The following ESF1 variants were observed in gnomAD, a reference collection of about 807,000 sequenced individuals.
ESF1 encodes the protein ESF1 nucleolar pre-rRNA processing protein.
In ESF1, 58 loss-of-function variants were observed where a neutral mutation model predicts 92.0. The ratio of observed to expected loss-of-function variants is 0.63; its 90% CI spans 0.51 to 0.78. ESF1 has a LOEUF of 0.78. Ranked by LOEUF, ESF1 falls within the 30% of genes least tolerant of loss-of-function variation. The probability of loss-of-function intolerance (pLI) is 0.00; values close to 1 mark genes in which losing one functional copy is unlikely to be tolerated. For synonymous variants in ESF1, 321 were observed against 313.7 expected (o/e 1.02, Z -0.24); for missense variants, 922 against 989.1 (o/e 0.93, Z 0.91).
At chr20:13,728,585 G>A (rs1437488705) in intron 10 of ESF1, 120 bp from the exon 11 acceptor site, 39 of 799,326 alleles carry the variant, frequency 4.9e-5, no homozygotes, top group South Asian at 7.8e-5. Flanking sequence ...GTAAATCAGT[G>A]GCCAAGCGTG....
chr20:13,771,153 T>C (rs1979664079), intron 6 of ESF1, among the ~76,000 whole-genome samples, 178 bp downstream of exon 6: 1 of 152,212 alleles, frequency 6.6e-6, no homozygotes, highest in East Asian at 1.9e-4. Context: ...ACATAATACT[T>C]TAGCACTGTC....
At chr20:13,726,631 C>T (rs1011996357) in intron 11 of ESF1, among the ~76,000 whole-genome samples, 5 of 152,208 alleles carry the variant, frequency 3.3e-5, no homozygotes, top group Non-Finnish European at 7.3e-5. Flanking sequence ...ATCTGTCTAA[C>T]ATGTCTTTCT....
At chr20:13,726,727 G>T (rs541407682) in intron 11 of ESF1, among the ~76,000 whole-genome samples, 44 of 152,286 alleles carry the variant, frequency 2.9e-4, no homozygotes, top group African/African-American at 9.4e-4. Context: ...GCACCTGGTA[G>T]GCAATCAAAA....
chr20:13,725,501 T>C (rs186716939), intron 11 of ESF1, among the ~76,000 whole-genome samples: 88 of 152,308 alleles, frequency 5.8e-4, no homozygotes, highest in Admixed American at 9.8e-4. Flanking sequence ...CCTCAAACTT[T>C]AACCCACACT....
intron 2 of ESF1, 36 bp from the exon 3 acceptor site, chr20:13,776,306 G>C: frequency 6.4e-7 from 1 of 1,551,842 alleles, no homozygotes; most frequent in Non-Finnish European, 8.7e-7. Flanking sequence ...ATTAAGAAAA[G>C]ATATATGCTG....
intron 10 of ESF1, among the ~76,000 whole-genome samples, chr20:13,731,002 T>C (rs1248070662): frequency 6.6e-6 from 1 of 152,172 alleles, no homozygotes; most frequent in African/African-American, 2.4e-5. Context: ...AAGGATCTGT[T>C]GGAGTCAAGG....
Position 13,782,611 on chromosome 20 carries a change from G to C in ESF1, c.530C>G (p.Thr177Arg), listed in dbSNP as rs775667868. 6 of 1,605,848 alleles carry C rather than the reference G, an allele frequency of 3.7e-6. No individual in the cohort carries two copies. In the South Asian group the frequency reaches 6.8e-5, roughly 18 times the overall value. The change falls in exon 2 of 14, where the codon ACA becomes AGA. Residue 177 changes from threonine to arginine, a missense_variant. Coordinates refer to ENST00000617257, the MANE Select transcript of ESF1 (RefSeq NM_001276380.2). The part of the protein sequence containing the change: ...KEKKNIVQHT[T>R]DSSLEEKQRT... ...TTGTTTTTCTTCGAGAGAAGAGTCT[G>C]TAGTATGTTGAACAATGTTTTTTTT...
At chr20:13,753,912 A>G (rs1320815659) in intron 9 of ESF1, among the ~76,000 whole-genome samples, 1 of 152,242 alleles carries the variant, frequency 6.6e-6, no homozygotes, top group Non-Finnish European at 1.5e-5. Context: ...ATAATGGACC[A>G]CTAGGCATAA....
intron 11 of ESF1, among the ~76,000 whole-genome samples, chr20:13,724,388 A>T (rs924520568): frequency 6.6e-6 from 1 of 152,252 alleles, no homozygotes. Context: ...TACCTACTAC[A>T]GATCCTTATA....
chr20:13,734,000 G>A (rs1436210942), intron 9 of ESF1, among the ~76,000 whole-genome samples, 158 bp from the exon 10 acceptor site: 1 of 152,098 alleles, frequency 6.6e-6, no homozygotes, highest in African/African-American at 2.4e-5. Context: ...ATATCATACA[G>A]TGACATAGGA....
intron 1 of ESF1, 125 bp downstream of exon 1, chr20:13,784,740 AGGCTCAGGAGGAAGG>A (rs2147461059): frequency 5.8e-6 from 2 of 342,416 alleles, no homozygotes; most frequent in South Asian, 6.2e-5. Context: ...AGACCGAAAA[AGGCTCAGGAGGAAGG>A]GGCAAAACCC....
At chr20:13,738,605 G>A (rs1056617943) in intron 9 of ESF1, among the ~76,000 whole-genome samples, 16 of 152,082 alleles carry the variant, frequency 1.1e-4, no homozygotes, top group African/African-American at 3.4e-4. Context: ...ATGAGCCACC[G>A]TGCCCAGCCT....
Position 13,760,756 on chromosome 20 carries a change from T to TG in ESF1, c.1667-904dup, listed in dbSNP as rs545049811. ...CCAGCCGCCCCGTCCGGGAGGGAGGTGGGGGGGTCAGCCCCCGCCCGGCCA... is the reference window on the plus strand; with the variant it reads ...CCAGCCGCCCCGTCCGGGAGGGAGGTGGGGGGGGTCAGCCCCCGCCCGGCCA... On this transcript the variant is annotated intron_variant, in intron 8 of 13. Transcript: ENST00000617257. 4.0e-4 allele frequency among the ~76,000 whole-genome samples: 53 copies of TG among 131,504 alleles called. 1 individual carries two copies. In the East Asian group the frequency reaches 9.2e-3, roughly 23 times the overall value. The allele number at this position is 131,504 out of a possible 152,430, so 86.3% of individuals were successfully genotyped here. A position where few individuals can be genotyped will look rare whatever the true frequency, so the allele number is the denominator to read the frequency against.
Position 13,747,593 on chromosome 20 carries a change from GAAA to G in ESF1, c.1828+12096_1828+12098del, listed in dbSNP as rs139489858. Among the ~76,000 whole-genome samples, 10 of 128,052 alleles carry G rather than the reference GAAA, an allele frequency of 7.8e-5. No individual in the cohort carries two copies. The East Asian group carries it at 2.1e-3, about 28-fold the overall frequency. 84.0% of individuals were successfully genotyped at this position (128,052 alleles called of 152,430 possible). On this transcript the variant is annotated intron_variant, in intron 9 of 13. Transcript: ENST00000617257. Reference sequence around the variant, plus strand: ...TGCCGACAGAGCGAGACTCAGTCTCGAAAAAAAAAAAAAGAGAGAGAAAATATA... The same window carrying G: ...TGCCGACAGAGCGAGACTCAGTCTCGAAAAAAAAAAGAGAGAGAAAATATA...
intron 9 of ESF1, among the ~76,000 whole-genome samples, chr20:13,751,087 A>C (rs986082082): frequency 6.6e-6 from 1 of 152,264 alleles, no homozygotes; most frequent in Non-Finnish European, 1.5e-5. Context: ...GCAAAACTTT[A>C]TGAAGAACCT....
chr20:13,766,289 T>G (rs1330435771), intron 8 of ESF1, among the ~76,000 whole-genome samples: 1 of 151,792 alleles, frequency 6.6e-6, no homozygotes, highest in African/African-American at 2.4e-5. Flanking sequence ...AACCTCAAGC[T>G]CCACAAACAA....
chr20:13,778,252 C>A (rs1980030162), intron 2 of ESF1, among the ~76,000 whole-genome samples: 1 of 152,034 alleles, frequency 6.6e-6, no homozygotes, highest in South Asian at 2.1e-4. Flanking sequence ...AATAACTAGC[C>A]AATAGAAGTG....
At chr20:13,721,251 T>C (rs1164615221) in intron 11 of ESF1, among the ~76,000 whole-genome samples, 3 of 152,226 alleles carry the variant, frequency 2.0e-5, no homozygotes, top group Non-Finnish European at 4.4e-5. Flanking sequence ...AAATGGTCAA[T>C]AAACAGAAGG....
chr20:13,717,412 T>C lies in ESF1; in HGVS notation c.2218A>G (p.Lys740Glu), dbSNP rs2049836828. ...AATTCCTTCTTTTTCATGAGCTGCT[T>C]TTTCTTCTTTTTGCTCAGATTCTGG... ...EHQNLSKKKKKQLMKKKELIE... is the reference protein window; with the variant it reads ...EHQNLSKKKKEQLMKKKELIE... The change falls in exon 13 of 14, where the codon AAG becomes GAG. Residue 740 changes from lysine to glutamate, a missense_variant. By Grantham distance (56) the Lys-to-Glu change is moderately conservative. Coordinates refer to ENST00000617257, the MANE Select transcript of ESF1 (RefSeq NM_001276380.2). 6.2e-7 allele frequency: 1 copy of C among 1,614,174 alleles called. No individual in the cohort carries two copies. The highest frequency in any genetic ancestry group is 2.2e-5 in the East Asian group (1 of 44,878).
Sources: allele counts gnomAD v4.1 joint callset (sites outside exome capture counted in the v4.1 genomes callset), GRCh38; gene constraint gnomAD v4.1.1; transcripts MANE v1.5; gene names NCBI Gene and HGNC (gene_info 2026-07-23, HGNC 2026-07-21).